OGDH: variants seen among roughly 807,000 people sequenced by gnomAD.
OGDH encodes oxoglutarate dehydrogenase, also known as 2-oxoglutarate dehydrogenase complex component E1.
In OGDH, 38 loss-of-function variants were observed where a neutral mutation model predicts 116.6. The observed-to-expected ratio is 0.33, with a 90% CI of 0.25 to 0.43. The LOEUF (loss-of-function observed/expected upper bound fraction) is 0.43. OGDH is among the 20% of genes least tolerant of loss of function. The pLI is 1.00. For synonymous variants in OGDH, 488 were observed against 533.3 expected (o/e 0.92, Z 1.17); for missense variants, 825 against 1,357.2 (o/e 0.61, Z 6.16).
chr7:44,687,187 T>C (rs1788170228), intron 10 of OGDH, among the ~76,000 whole-genome samples: 1 of 138,704 alleles, frequency 7.2e-6, no homozygotes, highest in Non-Finnish European at 1.5e-5. Context: ...AACCTCCACC[T>C]CCGAGGTTCA....
At chr7:44,661,768 A>AT (rs564674928) in intron 4 of OGDH, among the ~76,000 whole-genome samples, 1 of 151,666 alleles carries the variant, frequency 6.6e-6, no homozygotes, top group Non-Finnish European at 1.5e-5. Context: ...CACCCAGATA[A>AT]TTTTTTTGTA....
chr7:44,619,050 C>T (rs1418999239), intron 1 of OGDH, among the ~76,000 whole-genome samples: 3 of 152,138 alleles, frequency 2.0e-5, no homozygotes, highest in African/African-American at 4.8e-5. Flanking sequence ...GGATGGGGTA[C>T]GGAGAGCTTC....
In OGDH at chr7:44,700,141, G is replaced by C; in HGVS notation, c.2431G>C (p.Asp811His). The change falls in exon 19 of 23, where the codon GAC becomes CAC. Residue 811 changes from aspartate (D) to histidine (H), a missense_variant and splice_region_variant. This residue lies in a region of OGDH where 212 missense variants were observed against 284.3 expected (regional missense o/e 0.75). Transcript: ENST00000222673. ...MCNDDPDVLP[D>H]LKEANFDINQ... The stretch of plus-strand genomic sequence containing the variant: ...CTGGCCATTTCCTTCCCTGCTGCAG[G>C]ACCTTAAAGAAGCCAACTTCGACAT... The C allele has an allele frequency of 6.2e-7, 1 of 1,614,104 alleles. No individual in the cohort carries two copies. Among genetic ancestry groups the C allele is most frequent in the South Asian group, 1.1e-5 (1 of 91,058 alleles).
chr7:44,621,250 T>A (rs1784997669), intron 1 of OGDH, among the ~76,000 whole-genome samples: 1 of 152,102 alleles, frequency 6.6e-6, no homozygotes, highest in Admixed American at 6.5e-5. Context: ...GCTTTTAAAT[T>A]TTTTGTGGAG....
chr7:44,675,563 C>T (rs1470220836), intron 8 of OGDH, among the ~76,000 whole-genome samples: 2 of 152,080 alleles, frequency 1.3e-5, no homozygotes, highest in South Asian at 4.1e-4. Context: ...TATCCTTCTG[C>T]GTTGGGTTCC....
chr7:44,697,913 C>A lies in OGDH; in HGVS notation c.2358+131C>A. On this transcript the variant is annotated intron_variant, in intron 17 of 22. Coordinates refer to ENST00000222673, the MANE Select transcript of OGDH (RefSeq NM_002541.4). This position sits in a 1 kb window ranked among gnomAD's most constrained non-coding sequence, Gnocchi z 6.0. ...TAAGGACTCTGCTGGTGCTTCCCAT[C>A]CATCTCAGATGGGATGTCACTTCAG... The A allele has an allele frequency of 2.6e-6, 3 of 1,137,048 alleles. No individual in the cohort carries two copies. Among genetic ancestry groups the A allele is most frequent in the Non-Finnish European group, 3.7e-6 (3 of 820,148 alleles). 70.4% of individuals were successfully genotyped at this position (1,137,048 alleles called of 1,614,324 possible).
Position 44,707,391 on chromosome 7 carries a change from G to A in OGDH, c.2796+3G>A, listed in dbSNP as rs1562695804. ...TGGCCATCACAAGGATTGAGCAGGT[G>A]AGGGCAGGTGGTGCCATCAGGGTGT... On this transcript the variant is annotated splice_donor_region_variant and intron_variant, in intron 21 of 22. Transcript: ENST00000222673. The surrounding 1 kb of genome is among the most constrained non-coding windows in gnomAD (Gnocchi z 5.2). 6 of 1,614,030 alleles carry A rather than the reference G, an allele frequency of 3.7e-6. No homozygotes were observed. Among genetic ancestry groups the A allele is most frequent in the East Asian group, 2.2e-5 (1 of 44,900 alleles).
chr7:44,633,916 A>G (rs1785553508), intron 2 of OGDH, among the ~76,000 whole-genome samples: 2 of 152,212 alleles, frequency 1.3e-5, no homozygotes, highest in Admixed American at 6.5e-5. Flanking sequence ...TGTCAGAAAG[A>G]CTGCGTGAGA....
intron 4 of OGDH, 131 bp downstream of exon 4, chr7:44,647,890 A>G (rs540827197): frequency 3.0e-6 from 2 of 660,080 alleles, no homozygotes; most frequent in South Asian, 1.9e-5. Context: ...CTTGAAATTT[A>G]TCGGTATTGT....
chr7:44,624,099 C>CA (rs1181551798), intron 1 of OGDH, among the ~76,000 whole-genome samples: 1 of 152,002 alleles, frequency 6.6e-6, no homozygotes, highest in Non-Finnish European at 1.5e-5. Flanking sequence ...GAACTGGTGG[C>CA]ACTGAGCAGG....
At chr7:44,652,921 T>G (rs1156824790) in intron 4 of OGDH, among the ~76,000 whole-genome samples, 3 of 152,076 alleles carry the variant, frequency 2.0e-5, no homozygotes, top group Non-Finnish European at 4.4e-5. Flanking sequence ...TCAGTTGGGG[T>G]ACCACGGTAG....
At position 44,697,353 on chromosome 7, in the gene OGDH, C is replaced by T; in HGVS notation, c.2052-17C>T. 6.2e-7 allele frequency: 1 copy of T among 1,614,128 alleles called. No homozygotes were observed. Among genetic ancestry groups the T allele is most frequent in the Non-Finnish European group, 8.5e-7 (1 of 1,180,008 alleles). ...AAGTCAGAGCTCCTAATTATTACCT[C>T]TGTTGTCCTGTCTCAGCCACCGCCA... On this transcript the variant is annotated splice_polypyrimidine_tract_variant and intron_variant, in intron 15 of 22. Transcript: ENST00000222673. This position sits in a 1 kb window ranked among gnomAD's most constrained non-coding sequence, Gnocchi z 6.0.
Position 44,697,898 on chromosome 7 carries a change from G to C in OGDH, c.2358+116G>C. ...CTCACACCAGCCTCCTAAGGACTCTGCTGGTGCTTCCCATCCATCTCAGAT... is the reference window on the plus strand; with the variant it reads ...CTCACACCAGCCTCCTAAGGACTCTCCTGGTGCTTCCCATCCATCTCAGAT... On this transcript the variant is annotated intron_variant, in intron 17 of 22. Coordinates refer to ENST00000222673, the MANE Select transcript of OGDH (RefSeq NM_002541.4). The surrounding 1 kb of genome is among the most constrained non-coding windows in gnomAD (Gnocchi z 6.0). The C allele has an allele frequency of 8.0e-7, 1 of 1,247,872 alleles. No homozygotes were observed. The highest frequency in any genetic ancestry group is 1.1e-6 in the Non-Finnish European group (1 of 917,448). The allele number at this position is 1,247,872 out of a possible 1,614,324, so 77.3% of individuals were successfully genotyped here.
At chr7:44,610,062 T>G (rs1300279292) in intron 1 of OGDH, among the ~76,000 whole-genome samples, 2 of 152,064 alleles carry the variant, frequency 1.3e-5, no homozygotes, top group South Asian at 2.1e-4. Flanking sequence ...GTGATCCTCC[T>G]GTCTTAGCCT....
At chr7:44,644,012 G>T (rs561351964) in intron 2 of OGDH, among the ~76,000 whole-genome samples, 2 of 152,174 alleles carry the variant, frequency 1.3e-5, no homozygotes, top group Non-Finnish European at 2.9e-5. Context: ...TTTGAGACCA[G>T]CCTGGCCAAC....
intron 20 of OGDH, among the ~76,000 whole-genome samples, chr7:44,706,045 T>G (rs976450687): frequency 2.0e-5 from 3 of 151,964 alleles, no homozygotes; most frequent in African/African-American, 7.3e-5. Context: ...CAGGCTAGAG[T>G]GATTCTCCCA....
intron 2 of OGDH, among the ~76,000 whole-genome samples, chr7:44,629,826 C>T (rs147547430): frequency 0.011 from 1,610 of 152,212 alleles, 27 homozygotes; most frequent in African/African-American, 0.037. Context: ...GTGATCCGAC[C>T]GCCTCGGCCT....
chr7:44,624,669 A>C, intron 2 of OGDH, 104 bp downstream of exon 2: 1 of 948,528 alleles, frequency 1.1e-6, no homozygotes, highest in East Asian at 2.4e-5. Flanking sequence ...GCGGGCAGAC[A>C]GGCAGCTGGA....
chr7:44,703,288 C>T (rs1238024330), intron 20 of OGDH, among the ~76,000 whole-genome samples: 4 of 152,012 alleles, frequency 2.6e-5, no homozygotes, highest in South Asian at 2.1e-4. Flanking sequence ...TGGTGGTGCA[C>T]GCCCTGCTAC....
Sources: gnomAD v4.1 joint callset for allele counts (sites outside exome capture counted in the v4.1 genomes callset) on GRCh38, gnomAD v4.1.1 for gene constraint, gnomAD v4.1.1 regional missense constraint, Gnocchi (gnomAD v3.1) non-coding constraint, MANE v1.5 for transcripts, NCBI Gene and HGNC (gene_info 2026-07-23, HGNC 2026-07-21) for gene names.